Variants in PCDHA10 observed in about 807,000 individuals in gnomAD.
PCDHA10 encodes the protein protocadherin alpha-10.
In PCDHA10, 45 loss-of-function variants were observed where a neutral mutation model predicts 61.2. The observed-to-expected ratio is 0.74, with a 90% CI of 0.58 to 0.94. The LOEUF is 0.94. Ranked by LOEUF, PCDHA10 falls within the 40% of genes least tolerant of loss-of-function variation. The pLI is 0.00. For synonymous variants in PCDHA10, 602 were observed against 548.8 expected, an observed-to-expected ratio of 1.10 and a Z score of -1.35; for missense variants, 1,278 against 1,236.2, an observed-to-expected ratio of 1.03 and a Z score of -0.51.
chr5:140,924,274 T>C (rs904028474), intron 1 of PCDHA10, among the ~76,000 whole-genome samples: 1 of 152,232 alleles, frequency 6.6e-6, no homozygotes, highest in East Asian at 1.9e-4. Flanking sequence ...TCTGTACTTG[T>C]GACTACCTAA....
chr5:140,920,747 G>A (rs565649077), intron 1 of PCDHA10, among the ~76,000 whole-genome samples: 10 of 152,052 alleles, frequency 6.6e-5, no homozygotes, highest in African/African-American at 2.4e-4. Context: ...AGGAGGCTGA[G>A]GCAGGAGAAT....
chr5:140,965,174 C>CT (rs1213439654), intron 1 of PCDHA10, among the ~76,000 whole-genome samples: 4 of 152,228 alleles, frequency 2.6e-5, no homozygotes, highest in Non-Finnish European at 2.9e-5. Flanking sequence ...TTAGTGAGTG[C>CT]TTTTTTTGCA....
At chr5:140,862,122 G>A (rs2047215545) in intron 1 of PCDHA10, 2 of 161,786 alleles carry the variant, frequency 1.2e-5, no homozygotes, top group Admixed American at 5.7e-5. Flanking sequence ...ATAAATAAAT[G>A]TAAAGATAGG....
chr5:140,884,461 G>A (rs2060188157), intron 1 of PCDHA10: 3 of 1,613,646 alleles, frequency 1.9e-6, no homozygotes, highest in African/African-American at 1.3e-5. Flanking sequence ...CCGAGGGCGC[G>A]TGCGCGCCGG....
At chr5:140,958,905 A>G (rs1295198062) in intron 1 of PCDHA10, among the ~76,000 whole-genome samples, 1 of 149,390 alleles carries the variant, frequency 6.7e-6, no homozygotes, top group Non-Finnish European at 1.5e-5. Flanking sequence ...AGATACAGAA[A>G]AGTCTGCCTG....
chr5:140,876,718 G>C, intron 1 of PCDHA10: 1 of 1,614,242 alleles, frequency 6.2e-7, no homozygotes, highest in Non-Finnish European at 8.5e-7. Context: ...CCTGGACCGC[G>C]AGAGCGTGTC....
Position 140,856,942 on chromosome 5 carries a change from G to A in PCDHA10, c.894G>A (p.Thr298=), listed in dbSNP as rs781940181. The A allele has an allele frequency of 3.1e-6, 5 of 1,593,170 alleles. No individual in the cohort carries two copies. Among genetic ancestry groups the A allele is most frequent in the Admixed American group, 3.4e-5 (2 of 59,222 alleles). ...GGAAATTTTGGATAAACGAAAGGACGGGAGAAATAAAAGTAAATGATGCTA... is the reference window on the plus strand; with the variant it reads ...GGAAATTTTGGATAAACGAAAGGACAGGAGAAATAAAAGTAAATGATGCTA... The part of the protein sequence containing the change: ...IRRKFWINER[T]GEIKVNDAID... The change falls in exon 1 of 4, where the codon ACG becomes ACA. Residue 298 remains threonine, a synonymous_variant. Transcript: ENST00000307360.
intron 1 of PCDHA10, among the ~76,000 whole-genome samples, chr5:140,898,180 G>T (rs1216288813): frequency 6.6e-6 from 1 of 152,128 alleles, no homozygotes; most frequent in Non-Finnish European, 1.5e-5. Context: ...CTGTGCAGAA[G>T]CTCTTTAGTT....
At chr5:140,926,340 C>G (rs2083154977) in intron 1 of PCDHA10, 1 of 152,400 alleles carries the variant, frequency 6.6e-6, no homozygotes, top group Non-Finnish European at 1.5e-5. Flanking sequence ...GCGCCGGGAC[C>G]CGACGCGCGG....
intron 1 of PCDHA10, among the ~76,000 whole-genome samples, chr5:140,920,281 A>G (rs1227812998): frequency 6.6e-6 from 1 of 152,176 alleles, no homozygotes; most frequent in Admixed American, 6.5e-5. Flanking sequence ...GTAATCTTAT[A>G]TTTTTTAGAG....
chr5:140,919,352 T>G (rs1406850241), intron 1 of PCDHA10, among the ~76,000 whole-genome samples: 1 of 152,222 alleles, frequency 6.6e-6, no homozygotes, highest in Non-Finnish European at 1.5e-5. Flanking sequence ...TCTTTGAATC[T>G]AAAAGTGTCT....
intron 1 of PCDHA10, among the ~76,000 whole-genome samples, chr5:140,952,297 C>G (rs2094716383): frequency 6.7e-6 from 1 of 149,532 alleles, no homozygotes; most frequent in South Asian, 2.1e-4. Context: ...TTCTCACAGC[C>G]ATTTCACTCC....
intron 1 of PCDHA10, among the ~76,000 whole-genome samples, chr5:140,942,596 A>G (rs116159999): frequency 2.2e-4 from 31 of 142,420 alleles, no homozygotes; most frequent in Admixed American, 2.0e-3. Flanking sequence ...ACATATAATT[A>G]TAGTGTTTAT....
At chr5:140,893,264 A>G (rs1554185566) in intron 1 of PCDHA10, among the ~76,000 whole-genome samples, 1 of 152,172 alleles carries the variant, frequency 6.6e-6, no homozygotes, top group East Asian at 1.9e-4. Flanking sequence ...ATAAATGCCC[A>G]ATAGTGGAAT....
intron 1 of PCDHA10, among the ~76,000 whole-genome samples, chr5:140,924,551 AT>A (rs2153572839): frequency 6.6e-6 from 1 of 152,240 alleles, no homozygotes; most frequent in African/African-American, 2.4e-5. Context: ...TCTCCCCACC[AT>A]TTTAATCAGC....
rs372854727 is a variant in PCDHA10 at position 140,857,673 on chromosome 5, C to A, written c.1625C>A (p.Pro542Gln). The change falls in exon 1 of 4, where the codon CCG becomes CAG. Residue 542 changes from proline (P) to glutamine (Q), a missense_variant. Physicochemically the swap from Pro to Gln is moderately conservative, Grantham distance 76 (BLOSUM62 -1). Transcript: ENST00000307360. Reference sequence around the variant, plus strand: ...GTGAGCGCGCGCGATGGGGGCGTGCCGCCTCTGGGCAGCAACTTGACGCTG... The same window carrying A: ...GTGAGCGCGCGCGATGGGGGCGTGCAGCCTCTGGGCAGCAACTTGACGCTG... ...FQVSARDGGV[P>Q]PLGSNLTLQV... 2.5e-6 allele frequency: 4 copies of A among 1,596,826 alleles called. 1 individual carries two copies. The highest frequency in any genetic ancestry group is 3.4e-6 in the Non-Finnish European group (4 of 1,167,768).
chr5:140,877,680 G>A, intron 1 of PCDHA10: 1 of 1,613,738 alleles, frequency 6.2e-7, no homozygotes, highest in Non-Finnish European at 8.5e-7. Flanking sequence ...CGCCGGGCAA[G>A]CCCACGCTGG....
intron 1 of PCDHA10, chr5:140,876,256 A>T: frequency 1.9e-6 from 3 of 1,614,042 alleles, no homozygotes; most frequent in Non-Finnish European, 2.5e-6. Context: ...CACAAGAGTG[A>T]TCCAACTAAA....
At chr5:140,872,058 C>T (rs2053466493) in intron 1 of PCDHA10, among the ~76,000 whole-genome samples, 1 of 152,212 alleles carries the variant, frequency 6.6e-6, no homozygotes, top group African/African-American at 2.4e-5. Flanking sequence ...CTTCAGCCTC[C>T]AGAGTAGCTG....
Sources: allele counts gnomAD v4.1 joint callset (sites outside exome capture counted in the v4.1 genomes callset), GRCh38; gene constraint gnomAD v4.1.1; transcripts MANE v1.5; gene names NCBI Gene and HGNC (gene_info 2026-07-23, HGNC 2026-07-21).